The following ARHGEF17 variants were observed in gnomAD, a reference collection of about 807,000 sequenced individuals.
ARHGEF17 encodes Rho guanine nucleotide exchange factor 17.
Under a neutral mutation model 174.0 loss-of-function variants are expected in ARHGEF17, and 80 were observed. That is an observed-to-expected ratio of 0.46 (90% confidence interval 0.38 to 0.55). The LOEUF (loss-of-function observed/expected upper bound fraction) is 0.55, where lower values mean the gene tolerates loss of function less well. Ranked by LOEUF, ARHGEF17 falls within the 20% of genes least tolerant of loss-of-function variation. The pLI, the probability that ARHGEF17 is intolerant of heterozygous loss-of-function variation, is 0.00. For synonymous variants in ARHGEF17, 1,311 were observed against 1,189.1 expected (o/e 1.10, Z -2.11); for missense variants, 2,886 against 2,839.7 (o/e 1.02, Z -0.37).
At chr11:73,361,497 T>C (rs2134421339) in intron 12 of ARHGEF17, among the ~76,000 whole-genome samples, 1 of 152,356 alleles carries the variant, frequency 6.6e-6, no homozygotes, top group East Asian at 1.9e-4. Flanking sequence ...CATGATTATA[T>C]CTGGGGATAT....
chr11:73,359,829 T>A lies in ARHGEF17; in HGVS notation c.4088-5T>A, dbSNP rs754666296. 1 of 1,598,050 alleles carries A rather than the reference T, an allele frequency of 6.3e-7. No homozygotes were observed. Among genetic ancestry groups the A allele is most frequent in the African/African-American group, 1.3e-5 (1 of 74,616 alleles). ...TCAGTCCACGGCCTTCCTCTCTCCCTCTAGGGGCATCCCAAGCCACCAATC... is the reference window on the plus strand; with the variant it reads ...TCAGTCCACGGCCTTCCTCTCTCCCACTAGGGGCATCCCAAGCCACCAATC... On this transcript the variant is annotated splice_polypyrimidine_tract_variant and splice_region_variant and intron_variant, in intron 9 of 20. Transcript: ENST00000263674.
At position 73,367,943 on chromosome 11, in the gene ARHGEF17, C is replaced by A; in HGVS notation, c.*163C>A. On this transcript the variant is annotated 3_prime_UTR_variant, in exon 21 of 21. Transcript: ENST00000263674. ...CGCGGAAGCATTCCTGATGGAACAC[C>A]CACTGGCCAGCCAGGCCATGGCTTC... 2.7e-6 allele frequency: 2 copies of A among 736,628 alleles called. No homozygotes were observed. The highest frequency in any genetic ancestry group is 4.2e-6 in the Non-Finnish European group (2 of 472,820). 45.6% of individuals were successfully genotyped at this position (736,628 alleles called of 1,614,324 possible).
intron 6 of ARHGEF17, 104 bp from the exon 7 acceptor site, chr11:73,356,605 A>G: frequency 1.4e-6 from 2 of 1,471,036 alleles, no homozygotes; most frequent in Non-Finnish European, 1.9e-6. Flanking sequence ...TGCTGCTTCC[A>G]TTGGCCTAGC....
chr11:73,354,580 G>A (rs1865605250), intron 3 of ARHGEF17, among the ~76,000 whole-genome samples: 1 of 152,138 alleles, frequency 6.6e-6, no homozygotes, highest in African/African-American at 2.4e-5. Flanking sequence ...TGGGCGTGGT[G>A]GCATGCACCT....
chr11:73,343,252 A>ACGC, intron 1 of ARHGEF17: 1 of 398,668 alleles, frequency 2.5e-6, no homozygotes, highest in Admixed American at 4.4e-5. Flanking sequence ...AGCAGCACTG[A>ACGC]CGCCGAGGAG....
At chr11:73,325,844 G>A (rs1018865513) in intron 1 of ARHGEF17, among the ~76,000 whole-genome samples, 4 of 152,264 alleles carry the variant, frequency 2.6e-5, no homozygotes, top group Non-Finnish European at 5.9e-5. Flanking sequence ...TGAGTGGGGA[G>A]AGGGCCTAGG....
intron 1 of ARHGEF17, among the ~76,000 whole-genome samples, chr11:73,314,125 T>A (rs1211313327): frequency 1.3e-5 from 2 of 152,216 alleles, no homozygotes; most frequent in Non-Finnish European, 2.9e-5. Flanking sequence ...TCCTTCTGGC[T>A]CCCAGAATAT....
intron 1 of ARHGEF17, among the ~76,000 whole-genome samples, chr11:73,323,525 G>A (rs915044411): frequency 5.9e-5 from 9 of 152,224 alleles, no homozygotes; most frequent in Non-Finnish European, 1.3e-4. Flanking sequence ...CTGAAGAAGA[G>A]GAGAGCCGCG....
At position 73,349,264 on chromosome 11, in the gene ARHGEF17, T is replaced by C. The variant is rs150559726; in HGVS notation, c.3270+2304T>C. 1.7e-3 allele frequency among the ~76,000 whole-genome samples: 261 copies of C among 152,292 alleles called. 4 individuals are homozygous for C. The highest frequency in any genetic ancestry group is 0.012 in the Admixed American group (181 of 15,292). The stretch of plus-strand genomic sequence containing the variant: ...ATACTAGCCTAATCACCTCACCTTC[T>C]CTGAGCCTCAAGTTTGCCTGCAAAA... On this transcript the variant is annotated intron_variant, in intron 2 of 20. Coordinates refer to ENST00000263674, the MANE Select transcript of ARHGEF17 (RefSeq NM_014786.4).
chr11:73,363,559 C>T (rs908766073), intron 15 of ARHGEF17, 104 bp downstream of exon 15: 5 of 1,524,462 alleles, frequency 3.3e-6, no homozygotes, highest in African/African-American at 1.4e-5. Context: ...CTTTGGGTCA[C>T]ACCTCAGGGG....
rs1452037475 is a variant in ARHGEF17 at position 73,363,384 on chromosome 11, C to A, written c.5175C>A (p.Ser1725Arg). 5 of 1,613,072 alleles carry A rather than the reference C, an allele frequency of 3.1e-6. No individual in the cohort carries two copies. In the African/African-American group the frequency reaches 6.7e-5, roughly 22 times the overall value. ...RSSHGSFTRG[S>R]LEDLLSVDPE... ...GCCACGGCTCCTTCACCCGGGGCAG[C>A]CTTGAGGACCTGCTGAGTGTCGACC... The change falls in exon 15 of 21, where the codon AGC becomes AGA. Residue 1725 changes from serine (S) to arginine (R), a missense_variant. By Grantham distance (110) the Ser-to-Arg change is moderately radical. Around this residue, in one of 4 missense-constraint regions of ARHGEF17, gnomAD observed 476 missense variants for 473.1 expected, o/e 1.01. Transcript: ENST00000263674.
Position 73,363,443 on chromosome 11 carries a change from C to T in ARHGEF17, c.5234C>T (p.Thr1745Ile), listed in dbSNP as rs1412295435. 1.2e-6 allele frequency: 2 copies of T among 1,612,296 alleles called. No homozygotes were observed. The highest frequency in any genetic ancestry group is 1.3e-5 in the African/African-American group (1 of 74,910). Reference sequence around the variant, plus strand: ...TACCAGAGCTCCGTGTGGCTGGGCACTGAGGATGGCTGGTAGGGACAGGGG... The same window carrying T: ...TACCAGAGCTCCGTGTGGCTGGGCATTGAGGATGGCTGGTAGGGACAGGGG... The part of the protein sequence containing the change: ...EAYQSSVWLG[T>I]EDGCVHVYQS... Residue 1745 changes from threonine (T) to isoleucine (I), a missense_variant, in exon 15 of 21, where the codon ACT (threonine) becomes ATT (isoleucine). This residue lies in a region of ARHGEF17 where 329 missense variants were observed against 435.2 expected (regional missense o/e 0.76). Transcript: ENST00000263674.
intron 7 of ARHGEF17, 102 bp downstream of exon 7, chr11:73,356,861 C>T (rs1591757505): frequency 7.7e-6 from 12 of 1,561,540 alleles, no homozygotes; most frequent in East Asian, 2.2e-5. Context: ...TCTTTCACCC[C>T]GAGGGGAGCC....
At position 73,324,684 on chromosome 11, in the gene ARHGEF17, G is replaced by C. The variant is rs548306943; in HGVS notation, c.3192+12854G>C. Among the ~76,000 whole-genome samples the C allele has an allele frequency of 5.9e-5, 9 of 152,320 alleles. No individual in the cohort carries two copies. The South Asian group carries it at 1.7e-3, about 28-fold the overall frequency. ...GGTCTGGCTCCAGAACCCGTGCTTA[G>C]GCCCCTGGCTTTCAGGACTGCCTGA... On this transcript the variant is annotated intron_variant, in intron 1 of 20. Coordinates refer to ENST00000263674, the MANE Select transcript of ARHGEF17 (RefSeq NM_014786.4).
intron 1 of ARHGEF17, among the ~76,000 whole-genome samples, chr11:73,331,481 A>C (rs531188728): frequency 6.6e-6 from 1 of 152,190 alleles, no homozygotes; most frequent in South Asian, 2.1e-4. Flanking sequence ...CCAGTGGTCA[A>C]ATTCCAGGGC....
Position 73,308,936 on chromosome 11 carries a change from G to A in ARHGEF17, c.298G>A (p.Gly100Arg). The change falls in exon 1 of 21, where the codon GGG (glycine) becomes AGG (arginine). Residue 100 changes from glycine (G) to arginine (R), a missense_variant. Physicochemically the swap from Gly to Arg is moderately radical, Grantham distance 125. Transcript: ENST00000263674. ...DAPRLDDGSA[G>R]TRDGGVLPAA... is the part of the protein sequence containing the mutation. ...GCCGCGTCTGGACGACGGCTCCGCTGGGACCCGAGACGGAGGCGTCTTACC... is the reference window on the plus strand; with the variant it reads ...GCCGCGTCTGGACGACGGCTCCGCTAGGACCCGAGACGGAGGCGTCTTACC... The A allele has an allele frequency of 7.3e-7, 1 of 1,364,160 alleles. No homozygotes were observed. Among genetic ancestry groups the A allele is most frequent in the Non-Finnish European group, 9.4e-7 (1 of 1,064,798 alleles). 84.5% of individuals were successfully genotyped at this position (1,364,160 alleles called of 1,614,324 possible). A position where few individuals can be genotyped will look rare whatever the true frequency, so the allele number is the denominator to read the frequency against.
Position 73,311,791 on chromosome 11 carries a change from G to T in ARHGEF17, c.3153G>T (p.Glu1051Asp). 1 of 1,608,094 alleles carries T rather than the reference G, an allele frequency of 6.2e-7. No homozygotes were observed. The highest frequency in any genetic ancestry group is 2.2e-5 in the East Asian group (1 of 44,688). The change falls in exon 1 of 21, where the codon GAG becomes GAT. Residue 1051 changes from glutamate to aspartate, a missense_variant. This residue lies in a region of ARHGEF17 where 1,728 missense variants were observed against 1,461.2 expected (regional missense o/e 1.18). Coordinates refer to ENST00000263674, the MANE Select transcript of ARHGEF17 (RefSeq NM_014786.4). Reference sequence around the variant, plus strand: ...CTGAGGCAGCTCGGCCTGCAGATGAGCCTACCCCTGCCAGCAAGTGCTGCA... The same window carrying T: ...CTGAGGCAGCTCGGCCTGCAGATGATCCTACCCCTGCCAGCAAGTGCTGCA... The part of the protein sequence containing the change: ...KPPEAARPAD[E>D]PTPASKCCSK...
At position 73,352,842 on chromosome 11, in the gene ARHGEF17, C is replaced by T. The variant is rs1156299978; in HGVS notation, c.3283C>T (p.Pro1095Ser). 2 of 1,613,820 alleles carry T rather than the reference C, an allele frequency of 1.2e-6. No individual in the cohort carries two copies. The highest frequency in any genetic ancestry group is 8.5e-7 in the Non-Finnish European group (1 of 1,180,032). ...GTGGGTCCTTCAGGGCTACATGCAG[C>T]CGCTGAAGCAGCCAGAGAACTCCGT... The part of the protein sequence containing the change: ...LRTLMQGYMQ[P>S]LKQPENSVLC... The change falls in exon 3 of 21, where the codon CCG (proline) becomes TCG (serine). Residue 1095 changes from proline to serine, a missense_variant. By Grantham distance (74) the Pro-to-Ser change is moderately conservative (BLOSUM62 -1). Transcript: ENST00000263674.
At chr11:73,356,841 G>T in intron 7 of ARHGEF17, 82 bp downstream of exon 7, 1 of 1,593,854 alleles carries the variant, frequency 6.3e-7, no homozygotes, top group Middle Eastern at 1.7e-4. Flanking sequence ...CTACCTGCAG[G>T]TCTCCCTGCT....
Sources: allele counts gnomAD v4.1 joint callset (sites outside exome capture counted in the v4.1 genomes callset), GRCh38; gene constraint gnomAD v4.1.1; regional missense constraint gnomAD v4.1.1; transcripts MANE v1.5; gene names NCBI Gene and HGNC (gene_info 2026-07-23, HGNC 2026-07-21).